ZNF483: variants seen among roughly 807,000 people sequenced by gnomAD.
ZNF483 encodes the protein zinc finger protein HIT-10.
A neutral mutation model predicts 28.6 loss-of-function variants in ZNF483; 9 were observed. The observed-to-expected ratio is 0.32, with a 90% CI of 0.19 to 0.55. ZNF483 has a LOEUF of 0.55. Among genes scored for constraint, ZNF483 ranks in the 20% least tolerant of loss-of-function variants. The pLI is 0.93. For synonymous variants in ZNF483, 322 were observed against 306.2 expected (o/e 1.05, Z -0.54); for missense variants, 675 against 871.7 (o/e 0.77, Z 2.84).
At position 111,563,448 on chromosome 9, in the gene ZNF483, T is replaced by C. The variant is rs1332909693; in HGVS notation, c.722-12917T>C. 3 of 436,504 alleles carry C rather than the reference T, an allele frequency of 6.9e-6. No homozygotes were observed. In the East Asian group the frequency reaches 1.0e-4, roughly 15 times the overall value. The allele number at this position is 436,504 out of a possible 1,614,324, so 27.0% of individuals were successfully genotyped here. Reference sequence around the variant, plus strand: ...ACAAAGTACACCTAAGAAGAAATAATAGGTGTCGGATCATAGTGCGAAATG... The same window carrying C: ...ACAAAGTACACCTAAGAAGAAATAACAGGTGTCGGATCATAGTGCGAAATG... On this transcript the variant is annotated intron_variant, in intron 5 of 5. Coordinates refer to the ZNF483 transcript ENST00000358151.
At chr9:111,568,946 A>C (rs1379264760) in intron 5 of ZNF483, among the ~76,000 whole-genome samples, 2 of 152,252 alleles carry the variant, frequency 1.3e-5, no homozygotes, top group African/African-American at 4.8e-5. Context: ...GAATCTCCTT[A>C]GAGATTAGAC....
rs1207490184 is a variant in ZNF483, at chr9:111,545,523, T to A, written c.*2353T>A. Among the ~76,000 whole-genome samples the A allele has an allele frequency of 6.6e-6, 1 of 152,172 alleles. No homozygotes were observed. The highest frequency in any genetic ancestry group is 1.9e-4 in the East Asian group (1 of 5,196). ...TGTGCAACCATTACCATAATCCATTTTTTAGAACATCATCCCAGCAAGATC... is the reference window on the plus strand; with the variant it reads ...TGTGCAACCATTACCATAATCCATTATTTAGAACATCATCCCAGCAAGATC... On this transcript the variant is annotated 3_prime_UTR_variant, in exon 6 of 6. Coordinates refer to ENST00000309235, the MANE Select transcript of ZNF483 (RefSeq NM_133464.5).
chr9:111,566,883 A>T (rs954563792), intron 5 of ZNF483, among the ~76,000 whole-genome samples: 2 of 152,092 alleles, frequency 1.3e-5, no homozygotes, highest in Non-Finnish European at 2.9e-5. Flanking sequence ...GGATAAAAGT[A>T]GGATAGGAGC....
chr9:111,557,069 G>C (rs985421156), downstream of ZNF483, among the ~76,000 whole-genome samples: 7 of 152,184 alleles, frequency 4.6e-5, no homozygotes, highest in African/African-American at 1.7e-4. Context: ...AAATGCCCTG[G>C]AAGCATTTTC....
chr9:111,565,282 G>T (rs2132325332), intron 5 of ZNF483, among the ~76,000 whole-genome samples: 1 of 152,154 alleles, frequency 6.6e-6, no homozygotes, highest in East Asian at 1.9e-4. Flanking sequence ...AAAGAGAGAG[G>T]CCTGCAAAGA....
intron 1 of ZNF483, among the ~76,000 whole-genome samples, chr9:111,526,415 T>TGTA (rs1827187852): frequency 6.6e-6 from 1 of 152,130 alleles, no homozygotes; most frequent in Non-Finnish European, 1.5e-5. Context: ...GGTGAGGGAC[T>TGTA]GTAAGCCGGG....
At chr9:111,555,825 G>C (rs1251379687), downstream of ZNF483, among the ~76,000 whole-genome samples, 3 of 152,142 alleles carry the variant, frequency 2.0e-5, no homozygotes, top group Non-Finnish European at 4.4e-5. Flanking sequence ...AACAGATTTG[G>C]GTGGGGACAC....
chr9:111,571,913 G>A (rs776558173), intron 5 of ZNF483, among the ~76,000 whole-genome samples: 4 of 152,174 alleles, frequency 2.6e-5, no homozygotes, highest in African/African-American at 7.2e-5. Flanking sequence ...CCTGCAGCCT[G>A]TAAAGAAGAT....
intron 5 of ZNF483, among the ~76,000 whole-genome samples, chr9:111,561,477 C>G (rs549523382): frequency 3.4e-4 from 51 of 152,152 alleles, no homozygotes; most frequent in African/African-American, 1.1e-3. Context: ...ATTGTCCAGT[C>G]TGGTCTCAAA....
Position 111,543,848 on chromosome 9 carries a change from G to A in ZNF483, c.*678G>A. On this transcript the variant is annotated 3_prime_UTR_variant, in exon 6 of 6. Transcript: ENST00000309235. ...TTGCCCAGACTGGTCTTGAACTCCTGGGCTCAAGTGATCCTTCCATCTCAC... is the reference window on the plus strand; with the variant it reads ...TTGCCCAGACTGGTCTTGAACTCCTAGGCTCAAGTGATCCTTCCATCTCAC... 3.1e-6 allele frequency: 3 copies of A among 964,926 alleles called. No homozygotes were observed. The highest frequency in any genetic ancestry group is 3.7e-6 in the Non-Finnish European group (3 of 815,038). 59.8% of individuals were successfully genotyped at this position (964,926 alleles called of 1,614,324 possible). A position where few individuals can be genotyped will look rare whatever the true frequency, so the allele number is the denominator to read the frequency against.
At position 111,551,915 on chromosome 9, in the gene ZNF483, A is replaced by AT. The variant is rs946445477; in HGVS notation, c.*8751dup. 6.6e-6 allele frequency among the ~76,000 whole-genome samples: 1 copy of AT among 152,102 alleles called. No individual in the cohort carries two copies. The highest frequency in any genetic ancestry group is 2.4e-5 in the African/African-American group (1 of 41,418). Reference sequence around the variant, plus strand: ...ATATATCATTCTTCAGATTTTGCTTATTTTTTGCAGCCATTTATTACATTT... The same window carrying AT: ...ATATATCATTCTTCAGATTTTGCTTATTTTTTTGCAGCCATTTATTACATTT... On this transcript the variant is annotated 3_prime_UTR_variant, in exon 6 of 6. Transcript: ENST00000309235.
Position 111,534,183 on chromosome 9 carries a change from C to G in ZNF483, c.629-78C>G, listed in dbSNP as rs189657081. The G allele has an allele frequency of 9.1e-6, 11 of 1,211,648 alleles. No individual in the cohort carries two copies. The African/African-American group carries it at 9.1e-5, about 10-fold the overall frequency. The allele number at this position is 1,211,648 out of a possible 1,614,324, so 75.1% of individuals were successfully genotyped here. ...GCATGTTTTTATCTTCCTTGGAGAA[C>G]CAGAGGCTATATGTGAATGCTGGGA... On this transcript the variant is annotated intron_variant, in intron 4 of 5. Coordinates refer to ENST00000309235, the MANE Select transcript of ZNF483 (RefSeq NM_133464.5).
intron 5 of ZNF483, among the ~76,000 whole-genome samples, chr9:111,567,679 C>A (rs184739282): frequency 6.6e-6 from 1 of 152,154 alleles, no homozygotes; most frequent in Non-Finnish European, 1.5e-5. Context: ...AAATGCAGAG[C>A]TTTGCATGGT....
At chr9:111,576,720 G>C (rs1488516701) in exon 6 of ZNF483, 2 of 266,856 alleles carry the variant, frequency 7.5e-6, no homozygotes, top group Admixed American at 1.0e-4. Context: ...CAGCCTTGGT[G>C]GTGACCTTAT....
At chr9:111,565,014 G>A (rs972893988) in intron 5 of ZNF483, among the ~76,000 whole-genome samples, 1 of 151,926 alleles carries the variant, frequency 6.6e-6, no homozygotes, top group Non-Finnish European at 1.5e-5. Flanking sequence ...ATCCCAGCTA[G>A]TCAGGAGGCT....
intron 5 of ZNF483, among the ~76,000 whole-genome samples, chr9:111,541,088 CTTTT>C (rs747551274): frequency 1.6e-5 from 2 of 128,150 alleles, no homozygotes; most frequent in Non-Finnish European, 1.6e-5. Context: ...AAGTTTGAAC[CTTTT>C]TTTTTTTTTT....
chr9:111,538,029 T>G (rs1004839657), intron 5 of ZNF483, among the ~76,000 whole-genome samples: 7 of 152,152 alleles, frequency 4.6e-5, no homozygotes, highest in African/African-American at 1.7e-4. Flanking sequence ...TTTGATAAAT[T>G]TTAACTTGAT....
In ZNF483 at chr9:111,555,392, T is replaced by G. The variant is rs1484995011; in HGVS notation, c.*12222T>G. Among the ~76,000 whole-genome samples, 1 of 152,190 alleles carries G rather than the reference T, an allele frequency of 6.6e-6. No homozygotes were observed. Among genetic ancestry groups the G allele is most frequent in the Admixed American group, 6.5e-5 (1 of 15,284 alleles). On this transcript the variant is annotated 3_prime_UTR_variant, in exon 6 of 6. Transcript: ENST00000309235. ...ACCTGATGCCTCCACCTCCTAAATC[T>G]TTCCATATTTCATTAGTACCCCATC...
chr9:111,525,384 C>G (rs2132203647), intron 1 of ZNF483, 122 bp downstream of exon 1: 1 of 152,356 alleles, frequency 6.6e-6, no homozygotes, highest in East Asian at 1.9e-4. Context: ...TGCGCTGCTG[C>G]TGCTTCTGTG....
Sources: gnomAD v4.1 joint callset for allele counts (sites outside exome capture counted in the v4.1 genomes callset) on GRCh38, gnomAD v4.1.1 for gene constraint, MANE v1.5 for transcripts, NCBI Gene and HGNC (gene_info 2026-07-23, HGNC 2026-07-21) for gene names.